GABBR2: variants seen among roughly 807,000 people sequenced by gnomAD.
GABBR2 encodes gamma-aminobutyric acid type B receptor subunit 2, also known as G-protein coupled receptor 51.
Under a neutral mutation model 105.6 loss-of-function variants are expected in GABBR2, and 23 were observed. The ratio of observed to expected loss-of-function variants is 0.22; its 90% CI spans 0.16 to 0.31. The LOEUF (loss-of-function observed/expected upper bound fraction) is 0.31, where lower values mean the gene tolerates loss of function less well. GABBR2 is among the 10% of genes least tolerant of loss of function. The pLI, the probability that GABBR2 is intolerant of heterozygous loss-of-function variation, is 1.00. For synonymous variants in GABBR2, 478 were observed against 499.7 expected (o/e 0.96, Z 0.58); for missense variants, 734 against 1,245.5 (o/e 0.59, Z 6.18).
intron 17 of GABBR2, among the ~76,000 whole-genome samples, chr9:98,297,584 G>A (rs533119188): frequency 9.9e-5 from 15 of 151,998 alleles, no homozygotes; most frequent in Admixed American, 3.3e-4. Context: ...TTGCACTCCA[G>A]CCTGGGCAAC....
At chr9:98,471,875 T>A (rs1191873424) in intron 6 of GABBR2, among the ~76,000 whole-genome samples, 3 of 152,228 alleles carry the variant, frequency 2.0e-5, no homozygotes, top group Non-Finnish European at 4.4e-5. Context: ...TTTCTGCTCA[T>A]TATTCAACAT....
intron 14 of GABBR2, among the ~76,000 whole-genome samples, chr9:98,310,372 CA>C (rs201230084): frequency 0.017 from 2,576 of 151,212 alleles, 73 homozygotes; most frequent in African/African-American, 0.06. Flanking sequence ...CCTCAGCCTC[CA>C]AAGTAATTGG....
chr9:98,443,710 C>T (rs778269053), intron 7 of GABBR2, among the ~76,000 whole-genome samples: 6 of 152,188 alleles, frequency 3.9e-5, no homozygotes, highest in African/African-American at 7.2e-5. Context: ...GTCTTGTAGA[C>T]ACCAGGGGTA....
At chr9:98,495,346 C>T (rs1464735529) in intron 4 of GABBR2, among the ~76,000 whole-genome samples, 1 of 152,188 alleles carries the variant, frequency 6.6e-6, no homozygotes, top group African/African-American at 2.4e-5. Context: ...CTGGGACCCA[C>T]ACAAGACAGA....
intron 7 of GABBR2, among the ~76,000 whole-genome samples, chr9:98,436,415 G>A (rs58562936): frequency 0.095 from 6,670 of 70,174 alleles, 631 homozygotes; most frequent in East Asian, 0.29. Flanking sequence ...ATAGTATGGC[G>A]TTCTTTCTTC....
chr9:98,566,174 G>T (rs1247939843), intron 2 of GABBR2, among the ~76,000 whole-genome samples: 1 of 152,194 alleles, frequency 6.6e-6, no homozygotes, highest in Non-Finnish European at 1.5e-5. Flanking sequence ...AATACTCACA[G>T]TCCTACTTCC....
intron 2 of GABBR2, among the ~76,000 whole-genome samples, chr9:98,555,110 A>G (rs1828562269): frequency 1.3e-5 from 2 of 152,250 alleles, no homozygotes; most frequent in African/African-American, 4.8e-5. Flanking sequence ...GATGGCTTAC[A>G]GTAGACCACA....
chr9:98,672,642 T>A (rs1476555539), intron 1 of GABBR2, among the ~76,000 whole-genome samples: 2 of 152,246 alleles, frequency 1.3e-5, no homozygotes, highest in African/African-American at 4.8e-5. Flanking sequence ...ACAGAACAAT[T>A]CTCAGGCAAA....
At chr9:98,386,147 C>T (rs1040154412) in intron 10 of GABBR2, among the ~76,000 whole-genome samples, 1 of 151,932 alleles carries the variant, frequency 6.6e-6, no homozygotes, top group Non-Finnish European at 1.5e-5. Flanking sequence ...TCCCAAGGGA[C>T]AGCTTGTCAC....
chr9:98,475,454 A>G (rs1271489479), intron 5 of GABBR2, among the ~76,000 whole-genome samples: 2 of 152,204 alleles, frequency 1.3e-5, no homozygotes, highest in African/African-American at 4.8e-5. Flanking sequence ...CATTTAATCA[A>G]TGGCAGAGCC....
At chr9:98,453,904 G>A in intron 7 of GABBR2, 77 bp downstream of exon 7, 1 of 931,944 alleles carries the variant, frequency 1.1e-6, no homozygotes, top group Non-Finnish European at 1.8e-6. Context: ...ATAACAGAAA[G>A]CCTGTAACAG....
At chr9:98,400,661 C>A (rs1832378896) in intron 8 of GABBR2, among the ~76,000 whole-genome samples, 1 of 152,136 alleles carries the variant, frequency 6.6e-6, no homozygotes, top group Non-Finnish European at 1.5e-5. Context: ...GATGGATGCA[C>A]CCCACCATGG....
intron 13 of GABBR2, among the ~76,000 whole-genome samples, chr9:98,331,995 T>C (rs1447839208): frequency 3.9e-5 from 6 of 152,178 alleles, no homozygotes; most frequent in African/African-American, 1.2e-4. Context: ...AGTCCAGCCC[T>C]CAGGCTGGGA....
intron 1 of GABBR2, among the ~76,000 whole-genome samples, chr9:98,592,451 C>T (rs1426443146): frequency 6.6e-6 from 1 of 152,146 alleles, no homozygotes; most frequent in Non-Finnish European, 1.5e-5. Flanking sequence ...TGCAGTGACT[C>T]CATGGGGTAG....
chr9:98,610,942 G>C (rs1165426729), intron 1 of GABBR2, among the ~76,000 whole-genome samples: 3 of 152,134 alleles, frequency 2.0e-5, no homozygotes, highest in Non-Finnish European at 4.4e-5. Context: ...AGTGAGCAGA[G>C]ATTGCACCAT....
At chr9:98,695,170 G>T (rs337553) in intron 1 of GABBR2, among the ~76,000 whole-genome samples, 107,167 of 152,060 alleles carry the variant, frequency 0.7, 39,065 homozygotes, top group Middle Eastern at 0.84. Flanking sequence ...ACATTTGCAA[G>T]GCACCAGGGG....
intron 1 of GABBR2, among the ~76,000 whole-genome samples, chr9:98,580,633 C>T (rs899045073): frequency 8.5e-5 from 13 of 152,120 alleles, no homozygotes; most frequent in African/African-American, 2.9e-4. Flanking sequence ...ATTAAAAATA[C>T]AAAAATTAGC....
rs1169605621 is a variant in GABBR2, at chr9:98,306,818, T to A, written c.2005-473A>T. On this transcript the variant is annotated intron_variant, in intron 14 of 18. Coordinates refer to ENST00000259455, the MANE Select transcript of GABBR2 (RefSeq NM_005458.8). This position sits in a 1 kb window ranked among gnomAD's most constrained non-coding sequence, Gnocchi z 5.4. ...GATCCCTTGTGTCTGAGACTTCTATTGTCCCCAAGCACACACAGACACCCA... is the reference window on the plus strand; with the variant it reads ...GATCCCTTGTGTCTGAGACTTCTATAGTCCCCAAGCACACACAGACACCCA... Among the ~76,000 whole-genome samples, 3 of 152,238 alleles carry A rather than the reference T, an allele frequency of 2.0e-5. No individual in the cohort carries two copies. The highest frequency in any genetic ancestry group is 2.0e-4 in the Admixed American group (3 of 15,288).
chr9:98,679,296 C>G (rs1830511344), intron 1 of GABBR2, among the ~76,000 whole-genome samples: 1 of 152,204 alleles, frequency 6.6e-6, no homozygotes, highest in African/African-American at 2.4e-5. Context: ...TCAAGGAAAC[C>G]TGTGAGAAAC....
Sources: allele counts gnomAD v4.1 joint callset (sites outside exome capture counted in the v4.1 genomes callset), GRCh38; gene constraint gnomAD v4.1.1; non-coding constraint Gnocchi (gnomAD v3.1); transcripts MANE v1.5; gene names NCBI Gene and HGNC (gene_info 2026-07-23, HGNC 2026-07-21).